Variants in MLIP observed in about 807,000 individuals in gnomAD.
The protein encoded by MLIP is muscular LMNA interacting protein.
MLIP carries 79 observed loss-of-function variants against 84.8 expected under a neutral mutation model. That is an observed-to-expected ratio of 0.93 (90% CI 0.78 to 1.12). MLIP has a LOEUF of 1.12. Ranked by LOEUF, MLIP falls within the 50% of genes most tolerant of loss-of-function variation. The probability of loss-of-function intolerance (pLI) is 0.00; values close to 1 mark genes in which losing one functional copy is unlikely to be tolerated. For synonymous variants in MLIP, 504 were observed against 463.0 expected (o/e 1.09, Z -1.14); for missense variants, 1,257 against 1,160.6 (o/e 1.08, Z -1.21).
intron 1 of MLIP, among the ~76,000 whole-genome samples, chr6:54,041,267 A>T (rs560998690): frequency 6.6e-6 from 1 of 152,184 alleles, no homozygotes; most frequent in African/African-American, 2.4e-5. Context: ...TTGTTTCTGT[A>T]TTATTGAGTA....
At chr6:54,190,826 C>T (rs1236039595) in intron 10 of MLIP, among the ~76,000 whole-genome samples, 9 of 145,644 alleles carry the variant, frequency 6.2e-5, no homozygotes, top group Non-Finnish European at 1.0e-4. Context: ...GACGGAGTCT[C>T]GCTCTGTCGG....
At chr6:54,080,298 G>A (rs1767053965) in intron 1 of MLIP, among the ~76,000 whole-genome samples, 1 of 151,936 alleles carries the variant, frequency 6.6e-6, no homozygotes, top group South Asian at 2.1e-4. Context: ...ACTTTCCCAG[G>A]AGTCTCAGAC....
intron 12 of MLIP, among the ~76,000 whole-genome samples, chr6:54,241,966 T>C (rs1424877252): frequency 2.0e-5 from 3 of 152,210 alleles, no homozygotes; most frequent in African/African-American, 7.2e-5. Context: ...GGAGCCTACC[T>C]AGCAAAATGT....
At chr6:54,230,565 A>G in intron 11 of MLIP, 149 bp from the exon 12 acceptor site, 3 of 706,818 alleles carry the variant, frequency 4.2e-6, no homozygotes, top group East Asian at 4.9e-5. Context: ...CACTGAAAGC[A>G]GTTGTCTCAT....
intron 3 of MLIP, among the ~76,000 whole-genome samples, chr6:54,131,541 C>T (rs897121837): frequency 1.3e-5 from 2 of 152,036 alleles, no homozygotes; most frequent in Non-Finnish European, 2.9e-5. Flanking sequence ...TAACCGTTTC[C>T]ACCCACACTT....
intron 1 of MLIP, among the ~76,000 whole-genome samples, chr6:54,033,962 C>G (rs1161142970): frequency 2.0e-5 from 3 of 152,096 alleles, no homozygotes; most frequent in Non-Finnish European, 2.9e-5. Flanking sequence ...CATTACTTAA[C>G]AACTTGTTAA....
chr6:54,215,060 C>A, intron 11 of MLIP: 2 of 992,600 alleles, frequency 2.0e-6, no homozygotes, highest in East Asian at 2.7e-5. Context: ...GGACCCTGGT[C>A]TCTGCCTTTT....
chr6:54,227,827 C>T (rs1780682970), intron 11 of MLIP, among the ~76,000 whole-genome samples: 1 of 152,092 alleles, frequency 6.6e-6, no homozygotes, highest in South Asian at 2.1e-4. Context: ...TCCCAGGAAG[C>T]TCCTTTAGGG....
At chr6:54,117,540 G>A (rs1770047902) in intron 1 of MLIP, among the ~76,000 whole-genome samples, 1 of 151,718 alleles carries the variant, frequency 6.6e-6, no homozygotes, top group African/African-American at 2.4e-5. Context: ...ATTCCTCACA[G>A]GACTGGAAGT....
At chr6:54,173,411 A>G (rs1458625960) in intron 9 of MLIP, among the ~76,000 whole-genome samples, 1 of 151,822 alleles carries the variant, frequency 6.6e-6, no homozygotes, top group South Asian at 2.1e-4. Context: ...ATAATTTCAT[A>G]TTTGGTCATA....
At chr6:54,182,386 A>G (rs551869067) in intron 9 of MLIP, among the ~76,000 whole-genome samples, 94 of 152,274 alleles carry the variant, frequency 6.2e-4, no homozygotes, top group African/African-American at 2.2e-3. Flanking sequence ...ACTACTGGGG[A>G]GTAGGGGGAA....
Position 54,078,005 on chromosome 6 carries a change from A to G in MLIP, c.64-43442A>G, listed in dbSNP as rs534755790. The stretch of plus-strand genomic sequence containing the variant: ...AGGTTGTTCTCATTTTCACTCAGCA[A>G]TTTGACAGAAAAATGAAATGATGAC... On this transcript the variant is annotated intron_variant, in intron 1 of 12. Transcript: ENST00000274897. Among the ~76,000 whole-genome samples, 4 of 152,278 alleles carry G rather than the reference A, an allele frequency of 2.6e-5. No homozygotes were observed. In the South Asian group the frequency reaches 6.2e-4, roughly 24 times the overall value.
intron 11 of MLIP, among the ~76,000 whole-genome samples, chr6:54,227,172 C>G (rs114874447): frequency 1.3e-5 from 2 of 152,160 alleles, no homozygotes; most frequent in Admixed American, 6.5e-5. Context: ...TGCCTCCCTT[C>G]GGCCATAATT....
At chr6:54,218,854 A>T (rs1780022995) in intron 11 of MLIP, among the ~76,000 whole-genome samples, 1 of 151,650 alleles carries the variant, frequency 6.6e-6, no homozygotes, top group Non-Finnish European at 1.5e-5. Context: ...GCTTACTGTA[A>T]TTTTTTACTT....
chr6:54,042,379 C>G (rs1764796146), intron 1 of MLIP, among the ~76,000 whole-genome samples: 1 of 152,054 alleles, frequency 6.6e-6, no homozygotes, highest in African/African-American at 2.4e-5. Flanking sequence ...CCTCCTCTTC[C>G]TTCTCTCTCC....
chr6:54,083,963 A>G lies in MLIP; in HGVS notation c.64-37484A>G, dbSNP rs118058018. ...TTTTTAGGACTAAATTTGAGATTAT[A>G]TATTTTTTAATTTAAAAATAATTTT... On this transcript the variant is annotated intron_variant, in intron 1 of 12. Transcript: ENST00000274897. Among the ~76,000 whole-genome samples, 21 of 152,328 alleles carry G rather than the reference A, an allele frequency of 1.4e-4. No homozygotes were observed. The East Asian group carries it at 3.7e-3, about 27-fold the overall frequency.
rs1413996634 is a variant in MLIP at position 54,252,427 on chromosome 6, TATA to T, written c.2923-4877_2923-4875del. On this transcript the variant is annotated intron_variant, in intron 12 of 13. Coordinates refer to ENST00000502396, the MANE Select transcript of MLIP (RefSeq NM_001281747.2). ...AATATAACTATAGTATATTATAACA[TATA>T]ATATATAATATAACTATAGTATATT... Among the ~76,000 whole-genome samples the T allele has an allele frequency of 3.9e-5, 5 of 129,706 alleles. No individual in the cohort carries two copies. In the East Asian group the frequency reaches 1.1e-3, roughly 28 times the overall value. 85.1% of individuals were successfully genotyped at this position (129,706 alleles called of 152,430 possible).
chr6:54,218,279 T>G (rs564599706), intron 11 of MLIP, among the ~76,000 whole-genome samples: 3 of 152,324 alleles, frequency 2.0e-5, no homozygotes, highest in Non-Finnish European at 4.4e-5. Context: ...ATTACTGTAC[T>G]GAATACTGGA....
Position 54,099,054 on chromosome 6 carries a change from G to C in MLIP, c.64-22393G>C, listed in dbSNP as rs1030920878. 1.3e-5 allele frequency among the ~76,000 whole-genome samples: 2 copies of C among 152,114 alleles called. 1 individual carries two copies. The highest frequency in any genetic ancestry group is 4.8e-5 in the African/African-American group (2 of 41,414). On this transcript the variant is annotated intron_variant, in intron 1 of 12. Coordinates refer to the MLIP transcript ENST00000274897. ...TGCAAAAATCCACATTTATTCTTCT[G>C]ATATAAAATCTCAGATACATTTTCA...
Sources: allele counts gnomAD v4.1 joint callset (sites outside exome capture counted in the v4.1 genomes callset), GRCh38; gene constraint gnomAD v4.1.1; transcripts MANE v1.5; gene names NCBI Gene and HGNC (gene_info 2026-07-23, HGNC 2026-07-21).